Variants in PITPNM2 observed in about 807,000 individuals in gnomAD.
PITPNM2 encodes membrane-associated phosphatidylinositol transfer protein 2.
A neutral mutation model predicts 132.2 loss-of-function variants in PITPNM2; 35 were observed. The ratio of observed to expected loss-of-function variants is 0.26; its 90% CI spans 0.20 to 0.35. The LOEUF is 0.35. Among genes scored for constraint, PITPNM2 ranks in the 10% least tolerant of loss-of-function variants. The pLI, the probability that PITPNM2 is intolerant of heterozygous loss-of-function variation, is 1.00. For synonymous variants in PITPNM2, 738 were observed against 799.2 expected (o/e 0.92, Z 1.29); for missense variants, 1,332 against 1,912.0 (o/e 0.70, Z 5.66).
Position 123,034,368 on chromosome 12 carries a change from G to C in PITPNM2, c.78+145C>G, listed in dbSNP as rs1191157754. The C allele has an allele frequency of 5.6e-6, 4 of 716,814 alleles. No individual in the cohort carries two copies. In the South Asian group the frequency reaches 7.3e-5, roughly 13 times the overall value. The allele number at this position is 716,814 out of a possible 1,614,324, so 44.4% of individuals were successfully genotyped here. ...CCTGGCATCGTGCCTAGAGGCCAGG[G>C]GTCCAGCACAATTCACACTTACCAG... On this transcript the variant is annotated intron_variant, in intron 3 of 25. Transcript: ENST00000320201.
intron 2 of PITPNM2, among the ~76,000 whole-genome samples, chr12:123,041,599 CA>C (rs2040477202): frequency 1.3e-5 from 2 of 152,228 alleles, no homozygotes; most frequent in Admixed American, 6.5e-5. Flanking sequence ...AATTTCATTA[CA>C]CCCAGTCCGG....
chr12:123,063,232 T>C (rs1295653729), intron 2 of PITPNM2, among the ~76,000 whole-genome samples: 1 of 152,222 alleles, frequency 6.6e-6, no homozygotes, highest in African/African-American at 2.4e-5. Context: ...TCCTCATCTC[T>C]GCAGTGTGGA....
At chr12:123,037,973 G>C (rs542573556) in intron 2 of PITPNM2, among the ~76,000 whole-genome samples, 1 of 152,102 alleles carries the variant, frequency 6.6e-6, no homozygotes, top group East Asian at 1.9e-4. Context: ...ATATTTTTGC[G>C]TGCAGGCAGA....
chr12:123,005,218 G>A lies in PITPNM2; in HGVS notation c.952+22C>T, dbSNP rs2038874539. On this transcript the variant is annotated intron_variant, in intron 7 of 25. Coordinates refer to ENST00000320201, the MANE Select transcript of PITPNM2 (RefSeq NM_020845.3). This position sits in a 1 kb window ranked among gnomAD's most constrained non-coding sequence, Gnocchi z 6.2. Reference sequence around the variant, plus strand: ...GAGGGGAGGGACCTTGAGTGTGGGTGGCAGGTGGCGCAGGGCCTTACCTCC... The same window carrying A: ...GAGGGGAGGGACCTTGAGTGTGGGTAGCAGGTGGCGCAGGGCCTTACCTCC... 2 of 1,598,928 alleles carry A rather than the reference G, an allele frequency of 1.3e-6. No homozygotes were observed. Among genetic ancestry groups the A allele is most frequent in the Non-Finnish European group, 1.7e-6 (2 of 1,170,760 alleles).
At chr12:123,074,523 A>C (rs1458047840) in intron 2 of PITPNM2, among the ~76,000 whole-genome samples, 1 of 151,774 alleles carries the variant, frequency 6.6e-6, no homozygotes, top group Non-Finnish European at 1.5e-5. Flanking sequence ...TATGCACACA[A>C]CACACACTCA....
At chr12:123,006,443 G>A (rs1448864429) in intron 6 of PITPNM2, among the ~76,000 whole-genome samples, 1 of 151,804 alleles carries the variant, frequency 6.6e-6, no homozygotes, top group Non-Finnish European at 1.5e-5. Context: ...GCTCACATCT[G>A]TAATCCTAGC....
At chr12:123,084,703 C>T (rs2042063764) in intron 2 of PITPNM2, 1 of 152,124 alleles carries the variant, frequency 6.6e-6, no homozygotes, top group Admixed American at 6.5e-5. Flanking sequence ...TTTTCTCTTC[C>T]ACTCCCCTTC....
chr12:123,120,279 C>G (rs773237196), intron 1 of PITPNM2, among the ~76,000 whole-genome samples: 4 of 152,190 alleles, frequency 2.6e-5, no homozygotes, highest in Non-Finnish European at 4.4e-5. Flanking sequence ...GACGGCCCCT[C>G]ACCTCCTGGA....
intron 2 of PITPNM2, among the ~76,000 whole-genome samples, chr12:123,094,051 G>A (rs1349902129): frequency 6.6e-6 from 1 of 152,258 alleles, no homozygotes; most frequent in African/African-American, 2.4e-5. Context: ...CTATGTGGCT[G>A]TGAGAAAGGC....
At chr12:123,010,143 G>A (rs2039122017) in intron 5 of PITPNM2, 66 bp from the exon 6 acceptor site, 1 of 1,334,750 alleles carries the variant, frequency 7.5e-7, no homozygotes, top group Non-Finnish European at 1.1e-6. Flanking sequence ...ATCTCTCCAT[G>A]TTCCTCCACC....
intron 1 of PITPNM2, among the ~76,000 whole-genome samples, chr12:123,125,565 C>T (rs959042071): frequency 2.6e-5 from 4 of 151,980 alleles, no homozygotes; most frequent in African/African-American, 9.7e-5. Context: ...ATGGTACAGG[C>T]CAGGCGCTGT....
At chr12:123,089,501 A>G (rs2042203094) in intron 2 of PITPNM2, 1 of 152,248 alleles carries the variant, frequency 6.6e-6, no homozygotes, top group South Asian at 2.1e-4. Context: ...AGTGGTGAGA[A>G]AAAAGCAAAC....
At position 122,986,077 on chromosome 12, in the gene PITPNM2, G is replaced by T; in HGVS notation, c.4000C>A (p.Arg1334Ser). ...SMSVAAGCWG[R>S]AMTGRLEPGA... is the part of the protein sequence containing the mutation. ...GGCTCCAGGCGGCCAGTCATGGCGC[G>T]GCCCCAGCAGCCGGCCGCCACACTC... The change falls in exon 26 of 26, where the codon CGC (arginine) becomes AGC (serine). Residue 1334 changes from arginine to serine, a missense_variant. By Grantham distance (110) the Arg-to-Ser change is moderately radical. Coordinates refer to ENST00000320201, the MANE Select transcript of PITPNM2 (RefSeq NM_020845.3). The T allele has an allele frequency of 7.0e-7, 1 of 1,433,824 alleles. No individual in the cohort carries two copies. Among genetic ancestry groups the T allele is most frequent in the Non-Finnish European group, 9.1e-7 (1 of 1,104,284 alleles). The allele number at this position is 1,433,824 out of a possible 1,614,324, so 88.8% of individuals were successfully genotyped here. A position where few individuals can be genotyped will look rare whatever the true frequency, so the allele number is the denominator to read the frequency against.
chr12:123,047,908 G>A (rs760474302), intron 2 of PITPNM2, among the ~76,000 whole-genome samples: 2 of 152,148 alleles, frequency 1.3e-5, no homozygotes, highest in Non-Finnish European at 2.9e-5. Flanking sequence ...AGACCATCCT[G>A]GCCAACATGG....
Position 123,004,545 on chromosome 12 carries a change from G to T in PITPNM2, c.953-56C>A. Reference sequence around the variant, plus strand: ...ACTGGAGAGGAAGGGCCCAGAGGCTGCCCTGAGCCGGCAGGAGGCAGGGAG... The same window carrying T: ...ACTGGAGAGGAAGGGCCCAGAGGCTTCCCTGAGCCGGCAGGAGGCAGGGAG... On this transcript the variant is annotated intron_variant, in intron 7 of 25. Coordinates refer to ENST00000320201, the MANE Select transcript of PITPNM2 (RefSeq NM_020845.3). This position sits in a 1 kb window ranked among gnomAD's most constrained non-coding sequence, Gnocchi z 4.9. 1 of 1,573,762 alleles carries T rather than the reference G, an allele frequency of 6.4e-7. No homozygotes were observed. Among genetic ancestry groups the T allele is most frequent in the African/African-American group, 1.3e-5 (1 of 74,298 alleles).
intron 3 of PITPNM2, 151 bp from the exon 4 acceptor site, chr12:123,014,193 A>G (rs2039329761): frequency 5.2e-6 from 4 of 764,628 alleles, no homozygotes; most frequent in South Asian, 1.8e-5. Context: ...CAGGCCCCCA[A>G]ATCTATATGC....
intron 2 of PITPNM2, among the ~76,000 whole-genome samples, chr12:123,072,907 A>C (rs1390532672): frequency 6.6e-6 from 1 of 152,232 alleles, no homozygotes; most frequent in Non-Finnish European, 1.5e-5. Flanking sequence ...AAGTCATCCA[A>C]GCCAGAATCC....
chr12:123,035,071 G>T (rs1374511530), intron 2 of PITPNM2, among the ~76,000 whole-genome samples: 2 of 152,216 alleles, frequency 1.3e-5, no homozygotes, highest in Admixed American at 6.5e-5. Context: ...TCATGGAAAA[G>T]CAGGCAGATC....
chr12:123,138,951 A>G (rs916378116), intron 1 of PITPNM2, among the ~76,000 whole-genome samples: 1 of 151,602 alleles, frequency 6.6e-6, no homozygotes, highest in Admixed American at 6.6e-5. Flanking sequence ...CAGCCTGGGC[A>G]ACATAGCAAG....
Sources: gnomAD v4.1 joint callset for allele counts (sites outside exome capture counted in the v4.1 genomes callset) on GRCh38, gnomAD v4.1.1 for gene constraint, Gnocchi (gnomAD v3.1) non-coding constraint, MANE v1.5 for transcripts, NCBI Gene and HGNC (gene_info 2026-07-23, HGNC 2026-07-21) for gene names.